NRXN1: variants seen among roughly 807,000 people sequenced by gnomAD.
The protein encoded by NRXN1 is neurexin-1.
NRXN1 carries 39 observed loss-of-function variants against 150.9 expected under a neutral mutation model. The ratio of observed to expected loss-of-function variants is 0.26; its 90% CI spans 0.20 to 0.34. The LOEUF is 0.34. Ranked by LOEUF, NRXN1 falls within the 10% of genes least tolerant of loss-of-function variation. NRXN1 has a pLI of 1.00. For missense variants in NRXN1, 1,815 were observed against 1,949.9 expected (o/e 0.93, Z 1.30); for synonymous variants, 924 against 757.0 (o/e 1.22, Z -3.62).
At chr2:50,930,508 T>A (rs774633153) in intron 2 of NRXN1, among the ~76,000 whole-genome samples, 11 of 152,144 alleles carry the variant, frequency 7.2e-5, no homozygotes, top group Non-Finnish European at 1.3e-4. Flanking sequence ...CATATTATAA[T>A]ATAAATCGAA....
intron 2 of NRXN1, among the ~76,000 whole-genome samples, chr2:51,010,926 G>A (rs755616768): frequency 1.3e-5 from 2 of 151,784 alleles, no homozygotes; most frequent in African/African-American, 2.4e-5. Flanking sequence ...AACTACAGGT[G>A]TATGCCACAA....
At chr2:50,835,871 A>G (rs1426887225) in intron 5 of NRXN1, among the ~76,000 whole-genome samples, 1 of 152,124 alleles carries the variant, frequency 6.6e-6, no homozygotes, top group Non-Finnish European at 1.5e-5. Context: ...TGGGCAAGTA[A>G]TTTAACTTTG....
chr2:50,397,815 C>T (rs1397980400), intron 17 of NRXN1, among the ~76,000 whole-genome samples: 1 of 152,070 alleles, frequency 6.6e-6, no homozygotes, highest in Admixed American at 6.6e-5. Context: ...TAGTTATTGA[C>T]TCTTTTTCCT....
At chr2:50,280,061 G>A (rs543338210) in intron 17 of NRXN1, among the ~76,000 whole-genome samples, 15 of 152,110 alleles carry the variant, frequency 9.9e-5, no homozygotes, top group African/African-American at 2.2e-4. Flanking sequence ...GGTGGATCAC[G>A]AGGTCAAGAA....
chr2:51,014,600 T>C (rs538539628), intron 2 of NRXN1, among the ~76,000 whole-genome samples: 1 of 152,118 alleles, frequency 6.6e-6, no homozygotes, highest in African/African-American at 2.4e-5. Context: ...GTGTGGAGGA[T>C]ATACAGTTAG....
intron 5 of NRXN1, among the ~76,000 whole-genome samples, chr2:50,869,459 A>T (rs897502385): frequency 1.5e-5 from 2 of 136,038 alleles, no homozygotes; most frequent in African/African-American, 2.5e-5. Flanking sequence ...CAAAAAAATA[A>T]AAAAAAAAGA....
At chr2:50,434,095 T>C (rs10181475) in intron 17 of NRXN1, among the ~76,000 whole-genome samples, 40,925 of 136,864 alleles carry the variant, frequency 0.3, 6,276 homozygotes, top group East Asian at 0.44. Context: ...CTTGCTCTGT[T>C]GCCCAGGCTG....
chr2:50,270,013 A>AAT (rs1351951267), intron 17 of NRXN1, among the ~76,000 whole-genome samples: 6 of 152,190 alleles, frequency 3.9e-5, no homozygotes, highest in Non-Finnish European at 8.8e-5. Context: ...TTAAATTAAA[A>AAT]AGCCCTATCT....
chr2:50,781,645 A>C (rs1250430412), intron 5 of NRXN1, among the ~76,000 whole-genome samples: 3 of 152,240 alleles, frequency 2.0e-5, no homozygotes, highest in Non-Finnish European at 2.9e-5. Flanking sequence ...AGACTTTCTA[A>C]AGAGGTTATA....
At position 50,240,382 on chromosome 2, in the gene NRXN1, C is replaced by A. The variant is rs74896121; in HGVS notation, c.3365-3412G>T. On this transcript the variant is annotated intron_variant, in intron 17 of 22. Coordinates refer to ENST00000401669, the MANE Select transcript of NRXN1 (RefSeq NM_001330078.2). ...TAAGCGAGACAATTAGATATCCAGTCCTTCCTCAGCTCTCTTCTACATACT... is the reference window on the plus strand; with the variant it reads ...TAAGCGAGACAATTAGATATCCAGTACTTCCTCAGCTCTCTTCTACATACT... Among the ~76,000 whole-genome samples, 1,354 of 151,814 alleles carry A rather than the reference C, an allele frequency of 8.9e-3. 13 individuals are homozygous for A. The highest frequency in any genetic ancestry group is 0.031 in the African/African-American group (1,293 of 41,496).
intron 18 of NRXN1, among the ~76,000 whole-genome samples, chr2:50,126,028 C>A (rs762222768): frequency 1.3e-5 from 2 of 151,906 alleles, no homozygotes; most frequent in Admixed American, 1.3e-4. Flanking sequence ...AGGAACAGAA[C>A]GAAGCAGAAC....
chr2:50,505,858 G>A (rs897698251), intron 13 of NRXN1, among the ~76,000 whole-genome samples: 7 of 152,122 alleles, frequency 4.6e-5, no homozygotes, highest in East Asian at 1.9e-4. Context: ...AGTGGGTCAC[G>A]TGCTTGGAGT....
At chr2:50,483,984 G>A (rs915443270) in intron 15 of NRXN1, among the ~76,000 whole-genome samples, 1 of 152,118 alleles carries the variant, frequency 6.6e-6, no homozygotes, top group Non-Finnish European at 1.5e-5. Context: ...TATTTTGGGT[G>A]GGGAAGACCC....
In NRXN1 at chr2:50,497,284, C is replaced by A. The variant is rs201596855; in HGVS notation, c.2879+49G>T. On this transcript the variant is annotated intron_variant, in intron 14 of 22. Coordinates refer to ENST00000401669, the MANE Select transcript of NRXN1 (RefSeq NM_001330078.2). ...GTGTATATTTTTGGAAATTGACGTC[C>A]ATTTTTCCAAAGTTTTATTTATTTG... is the stretch of plus-strand genomic sequence containing the variant. The A allele has an allele frequency of 2.8e-6, 4 of 1,404,916 alleles. No homozygotes were observed. In the South Asian group the frequency reaches 5.5e-5, roughly 19 times the overall value. 87.0% of individuals were successfully genotyped at this position (1,404,916 alleles called of 1,614,324 possible). A position where few individuals can be genotyped will look rare whatever the true frequency, so the allele number is the denominator to read the frequency against.
chr2:50,477,963 G>GAA (rs1181379974), intron 15 of NRXN1, among the ~76,000 whole-genome samples: 5 of 152,120 alleles, frequency 3.3e-5, no homozygotes, highest in African/African-American at 1.2e-4. Context: ...TCAAGCTTGG[G>GAA]TAGTTTCTGA....
intron 18 of NRXN1, among the ~76,000 whole-genome samples, chr2:50,099,964 A>ACCATCTC (rs1375007029): frequency 1.3e-5 from 2 of 152,236 alleles, no homozygotes; most frequent in Admixed American, 1.3e-4. Context: ...GGTTCTAGGG[A>ACCATCTC]AATCCTAAAT....
chr2:50,921,435 G>A (rs527403731), intron 5 of NRXN1, among the ~76,000 whole-genome samples: 2 of 151,892 alleles, frequency 1.3e-5, no homozygotes, highest in South Asian at 4.1e-4. Context: ...ACAACAAGAT[G>A]ATGCACCCAC....
At chr2:50,935,743 C>T (rs1340483578) in intron 2 of NRXN1, among the ~76,000 whole-genome samples, 3 of 149,842 alleles carry the variant, frequency 2.0e-5, no homozygotes, top group East Asian at 2.0e-4. Flanking sequence ...AAAAGTAACC[C>T]GAATATGGAA....
chr2:50,725,345 A>G (rs1332364598), intron 5 of NRXN1, among the ~76,000 whole-genome samples: 1 of 137,208 alleles, frequency 7.3e-6, no homozygotes. Flanking sequence ...TCAACAACTT[A>G]AAAAAAAAAA....
Sources: gnomAD v4.1 joint callset for allele counts (sites outside exome capture counted in the v4.1 genomes callset) on GRCh38, gnomAD v4.1.1 for gene constraint, MANE v1.5 for transcripts, NCBI Gene and HGNC (gene_info 2026-07-23, HGNC 2026-07-21) for gene names.